The following DPP6 variants were observed in gnomAD, a reference collection of about 807,000 sequenced individuals.
DPP6 encodes the protein A-type potassium channel modulatory protein DPP6.
DPP6 carries 69 observed loss-of-function variants against 122.6 expected under a neutral mutation model. The observed-to-expected ratio is 0.56, with a 90% CI of 0.46 to 0.69. The LOEUF is 0.69. Among genes scored for constraint, DPP6 ranks in the 30% least tolerant of loss-of-function variants. DPP6 has a pLI of 0.00. For missense variants in DPP6, 928 were observed against 1,116.9 expected, an observed-to-expected ratio of 0.83 and a Z score of 2.41; for synonymous variants, 418 against 433.1, an observed-to-expected ratio of 0.97 and a Z score of 0.43.
the DPP6 span, among the ~76,000 whole-genome samples, chr7:153,796,110 T>C: frequency 8.1e-6 from 1 of 122,972 alleles, no homozygotes; most frequent in Non-Finnish European, 1.7e-5. Flanking sequence ...TGGAGTTCTC[T>C]GTGATAAAAA....
At chr7:154,381,428 T>C (rs543688852) in intron 1 of DPP6, among the ~76,000 whole-genome samples, 1 of 152,280 alleles carries the variant, frequency 6.6e-6, no homozygotes, top group African/African-American at 2.4e-5. Flanking sequence ...GTAATGCCTC[T>C]ATATGGGTCT....
In DPP6 at chr7:153,983,431, C is replaced by T. The variant is rs183653259; in HGVS notation, c.51+95697C>T. Among the ~76,000 whole-genome samples, 708 of 152,344 alleles carry T rather than the reference C, an allele frequency of 4.6e-3. 2 individuals are homozygous for T. Among genetic ancestry groups the T allele is most frequent in the African/African-American group, 0.016 (661 of 41,584 alleles). ...TTGAGCATCCCAGGTCAACTTCAGA[C>T]GGCTGTGCTGGCAGCCAGAACTTTA... On this transcript the variant is annotated intron_variant, in intron 1 of 25. Transcript: ENST00000404039.
chr7:154,090,162 C>G (rs1432399710), intron 1 of DPP6, among the ~76,000 whole-genome samples: 1 of 150,034 alleles, frequency 6.7e-6, no homozygotes, highest in Non-Finnish European at 1.5e-5. Flanking sequence ...GTCTCTGGAG[C>G]CATTCGTTGG....
exon 1 of DPP6, chr7:153,887,650 C>T (rs374919854): frequency 9.9e-6 from 16 of 1,612,988 alleles, no homozygotes; most frequent in Non-Finnish European, 1.2e-5. Context: ...TTTCTCTTCC[C>T]TGGACCAGAA....
chr7:154,366,006 C>T (rs1812155876), intron 1 of DPP6, among the ~76,000 whole-genome samples: 1 of 150,730 alleles, frequency 6.6e-6, no homozygotes, highest in Admixed American at 6.6e-5. Context: ...GGAGCCTTGT[C>T]TCTATCTTCC....
chr7:154,579,042 A>G (rs1266356262), intron 5 of DPP6, among the ~76,000 whole-genome samples: 1 of 152,164 alleles, frequency 6.6e-6, no homozygotes, highest in Non-Finnish European at 1.5e-5. Context: ...GCCAGAGATA[A>G]CCAATTATAC....
chr7:154,242,329 G>A (rs1327978328), intron 1 of DPP6, among the ~76,000 whole-genome samples: 1 of 152,132 alleles, frequency 6.6e-6, no homozygotes, highest in Non-Finnish European at 1.5e-5. Flanking sequence ...CAGATCAACT[G>A]ACAGACTTTG....
At chr7:154,299,608 T>G (rs2150977551) in intron 1 of DPP6, among the ~76,000 whole-genome samples, 1 of 152,340 alleles carries the variant, frequency 6.6e-6, no homozygotes, top group Non-Finnish European at 1.5e-5. Flanking sequence ...TCATTTTTAT[T>G]TTTAGGGGAT....
chr7:154,414,907 C>T (rs940337544), intron 1 of DPP6, among the ~76,000 whole-genome samples: 2 of 152,202 alleles, frequency 1.3e-5, no homozygotes, highest in African/African-American at 4.8e-5. Context: ...TCTGAAGTCA[C>T]ACACTGTCAC....
intron 16 of DPP6, among the ~76,000 whole-genome samples, chr7:154,829,833 A>G (rs1373236214): frequency 6.6e-6 from 1 of 151,996 alleles, no homozygotes; most frequent in Non-Finnish European, 1.5e-5. Flanking sequence ...ACCAAACACC[A>G]TCTCTGCTCC....
At chr7:154,609,762 C>T (rs1183958972) in intron 5 of DPP6, among the ~76,000 whole-genome samples, 2 of 152,194 alleles carry the variant, frequency 1.3e-5, no homozygotes, top group African/African-American at 4.8e-5. Flanking sequence ...GCTGTTCTTA[C>T]GACTTGCCCT....
At chr7:153,928,594 T>A (rs1236509096) in intron 1 of DPP6, among the ~76,000 whole-genome samples, 2 of 151,586 alleles carry the variant, frequency 1.3e-5, no homozygotes, top group Admixed American at 6.6e-5. Flanking sequence ...CTTCACATGG[T>A]ACAGGGGACG....
chr7:154,242,715 CAG>C (rs1391286211), intron 1 of DPP6, among the ~76,000 whole-genome samples: 1 of 152,170 alleles, frequency 6.6e-6, no homozygotes, highest in Admixed American at 6.5e-5. Flanking sequence ...GCTGTGGTCT[CAG>C]AAGCAGCTGA....
intron 1 of DPP6, among the ~76,000 whole-genome samples, chr7:154,006,086 G>C (rs1038047732): frequency 6.6e-6 from 1 of 152,196 alleles, no homozygotes; most frequent in Non-Finnish European, 1.5e-5. Flanking sequence ...GTTCATTGAA[G>C]ACCTTACTGA....
chr7:153,760,123 A>T, the DPP6 span, among the ~76,000 whole-genome samples: 1 of 151,950 alleles, frequency 6.6e-6, no homozygotes, highest in Admixed American at 6.6e-5. Context: ...CCTGGGTTTT[A>T]TTTTGGATTA....
intron 1 of DPP6, among the ~76,000 whole-genome samples, chr7:153,958,537 T>C (rs1795180839): frequency 6.6e-6 from 1 of 152,224 alleles, no homozygotes; most frequent in South Asian, 2.1e-4. Context: ...TAGCCCCAGC[T>C]ACACTTGCAG....
At chr7:153,988,872 G>T (rs919455258) in intron 1 of DPP6, among the ~76,000 whole-genome samples, 1 of 150,414 alleles carries the variant, frequency 6.6e-6, no homozygotes, top group African/African-American at 2.4e-5. Context: ...CGAAGAGTCA[G>T]CGAAAGCTGG....
intron 5 of DPP6, among the ~76,000 whole-genome samples, chr7:154,596,898 T>G (rs981257259): frequency 1.0e-5 from 1 of 96,448 alleles, no homozygotes; most frequent in East Asian, 3.8e-4. Flanking sequence ...TTTTAGGAAA[T>G]TTTAAAATAT....
the DPP6 span, among the ~76,000 whole-genome samples, chr7:153,787,513 C>A: frequency 7.9e-6 from 1 of 126,330 alleles, no homozygotes; most frequent in Non-Finnish European, 1.8e-5. Context: ...AGCTCTAATC[C>A]CAGCACTTTG....
Sources: allele counts gnomAD v4.1 joint callset (sites outside exome capture counted in the v4.1 genomes callset), GRCh38; gene constraint gnomAD v4.1.1; transcripts MANE v1.5; gene names NCBI Gene and HGNC (gene_info 2026-07-23, HGNC 2026-07-21).